The following YEATS2 variants were observed in gnomAD, a reference collection of about 807,000 sequenced individuals.
YEATS2 encodes the protein YEATS domain-containing protein 2.
Under a neutral mutation model 163.2 loss-of-function variants are expected in YEATS2, and 77 were observed. The observed-to-expected ratio is 0.47, with a 90% CI of 0.39 to 0.57. YEATS2 has a LOEUF of 0.57. YEATS2 is among the 20% of genes least tolerant of loss of function. YEATS2 has a pLI of 0.00. For synonymous variants in YEATS2, 631 were observed against 645.1 expected (o/e 0.98, Z 0.33); for missense variants, 1,549 against 1,729.8 (o/e 0.90, Z 1.85).
intron 21 of YEATS2, chr3:183,793,206 CA>C: frequency 7.9e-7 from 1 of 1,269,108 alleles, no homozygotes; most frequent in South Asian, 1.3e-5. Flanking sequence ...ATGCAGACAA[CA>C]CCCCTTACTG....
At chr3:183,780,409 C>T (rs761582099) in intron 19 of YEATS2, among the ~76,000 whole-genome samples, 1 of 152,218 alleles carries the variant, frequency 6.6e-6, no homozygotes, top group Non-Finnish European at 1.5e-5. Flanking sequence ...GCAGATTCTC[C>T]TGGCGTGTCC....
intron 1 of YEATS2, among the ~76,000 whole-genome samples, chr3:183,703,746 A>G (rs1294651319): frequency 6.6e-6 from 1 of 152,140 alleles, no homozygotes; most frequent in East Asian, 1.9e-4. Context: ...GTGTACATTG[A>G]ACAGTCTTTG....
chr3:183,726,719 G>A (rs1560239626), intron 6 of YEATS2, among the ~76,000 whole-genome samples: 1 of 152,012 alleles, frequency 6.6e-6, no homozygotes, highest in Admixed American at 6.6e-5. Context: ...ATCATATTAT[G>A]TGGCCATTTT....
At chr3:183,788,775 G>A (rs903108051) in intron 20 of YEATS2, among the ~76,000 whole-genome samples, 2 of 152,152 alleles carry the variant, frequency 1.3e-5, no homozygotes, top group Non-Finnish European at 2.9e-5. Context: ...AGTGTACGAG[G>A]GTTCCCTCTT....
intron 18 of YEATS2, among the ~76,000 whole-genome samples, chr3:183,776,821 G>T (rs1433200329): frequency 6.6e-6 from 1 of 151,940 alleles, no homozygotes; most frequent in East Asian, 1.9e-4. Flanking sequence ...GTGTGGTGGT[G>T]CATGCCTGTA....
chr3:183,771,268 C>G (rs960850587), intron 15 of YEATS2, among the ~76,000 whole-genome samples: 12 of 152,138 alleles, frequency 7.9e-5, no homozygotes, highest in Non-Finnish European at 1.5e-4. Context: ...GAAGGTAGAT[C>G]ATTTGCATTT....
intron 7 of YEATS2, among the ~76,000 whole-genome samples, chr3:183,736,202 A>G (rs933469797): frequency 7.9e-5 from 12 of 152,184 alleles, no homozygotes; most frequent in African/African-American, 2.4e-4. Flanking sequence ...AAAATCAGTC[A>G]TAGTCACTAT....
At chr3:183,743,386 C>T (rs1405195514) in intron 8 of YEATS2, among the ~76,000 whole-genome samples, 1 of 152,068 alleles carries the variant, frequency 6.6e-6, no homozygotes, top group African/African-American at 2.4e-5. Flanking sequence ...GTTGCCCAGG[C>T]TAGAGTGTGG....
intron 13 of YEATS2, 100 bp downstream of exon 13, chr3:183,759,065 C>G (rs1721073438): frequency 1.3e-6 from 1 of 787,436 alleles, no homozygotes; most frequent in Non-Finnish European, 1.9e-6. Context: ...CCGTATTAAC[C>G]AGGCTGTATC....
In YEATS2 at chr3:183,761,583, C is replaced by T; in HGVS notation, c.1733C>T (p.Pro578Leu). The T allele has an allele frequency of 6.2e-7, 1 of 1,614,142 alleles. No individual in the cohort carries two copies. The highest frequency in any genetic ancestry group is 8.5e-7 in the Non-Finnish European group (1 of 1,180,010). Residue 578 changes from proline (P) to leucine (L), a missense_variant, in exon 14 of 31, where the codon CCT becomes CTT. Pro to Leu is a moderately conservative substitution (Grantham distance 98, BLOSUM62 -3). Transcript: ENST00000305135. Reference protein sequence around the residue: ...GSHPKVQSPKPITGGLGAFTK... With the variant: ...GSHPKVQSPKLITGGLGAFTK... ...CACCCTAAGGTTCAAAGCCCCAAACCTATAACAGGAGGACTTGGAGCTTTC... is the reference window on the plus strand; with the variant it reads ...CACCCTAAGGTTCAAAGCCCCAAACTTATAACAGGAGGACTTGGAGCTTTC...
At chr3:183,718,315 T>A (rs1716120255) in intron 3 of YEATS2, among the ~76,000 whole-genome samples, 185 bp from the exon 4 acceptor site, 1 of 152,250 alleles carries the variant, frequency 6.6e-6, no homozygotes, top group Non-Finnish European at 1.5e-5. Flanking sequence ...AACACTTTTG[T>A]CTTTCTCTTA....
chr3:183,730,048 GTTTGTTTTTTTTTTT>G (rs1717573075), intron 7 of YEATS2, among the ~76,000 whole-genome samples: 8 of 20,806 alleles, frequency 3.8e-4, no homozygotes, highest in East Asian at 5.3e-3. Context: ...GTGGTTTTTT[GTTTGTTTTTTTTTTT>G]TTTTTTTTTT....
At position 183,704,344 on chromosome 3, in the gene YEATS2, GTA is replaced by G. The variant is rs1407020599; in HGVS notation, c.-20+6353_-20+6354del. Among the ~76,000 whole-genome samples the G allele has an allele frequency of 5.9e-5, 9 of 152,174 alleles. No individual in the cohort carries two copies. The Middle Eastern group carries it at 0.01, about 173-fold the overall frequency. On this transcript the variant is annotated intron_variant, in intron 1 of 30. Transcript: ENST00000305135. ...TTTAATACCCTGCTGGATTGGATTT[GTA>G]TGTGTATTTGCAGTGAAAGCTTGTT...
Position 183,798,997 on chromosome 3 carries a change from G to C in YEATS2, c.3325+8G>C. 6.2e-7 allele frequency: 1 copy of C among 1,605,964 alleles called. No individual in the cohort carries two copies. Among genetic ancestry groups the C allele is most frequent in the South Asian group, 1.1e-5 (1 of 90,898 alleles). On this transcript the variant is annotated splice_region_variant and intron_variant, in intron 23 of 30. Transcript: ENST00000305135. ...CAGCAGCTGTTGCAAAAGGTACGTA[G>C]GATCTCACAGAGTTCTCGTCCAGAA...
intron 23 of YEATS2, 132 bp downstream of exon 23, chr3:183,799,121 T>C (rs1328958161): frequency 4.0e-6 from 3 of 745,336 alleles, no homozygotes; most frequent in East Asian, 5.0e-5. Flanking sequence ...TTTTCAGCAT[T>C]TGTGAATCAG....
chr3:183,710,213 A>G (rs1366859047), intron 1 of YEATS2, among the ~76,000 whole-genome samples: 3 of 152,180 alleles, frequency 2.0e-5, no homozygotes, highest in Non-Finnish European at 4.4e-5. Flanking sequence ...TTTGTTTCCA[A>G]GTTGAATTGA....
At chr3:183,738,416 T>TTA (rs1336699774) in intron 8 of YEATS2, among the ~76,000 whole-genome samples, 2 of 142,068 alleles carry the variant, frequency 1.4e-5, no homozygotes, top group African/African-American at 5.4e-5. Flanking sequence ...TTTTTTTTTT[T>TTA]AATACTTTAA....
chr3:183,705,958 T>C (rs565799377), intron 1 of YEATS2, among the ~76,000 whole-genome samples: 20 of 151,664 alleles, frequency 1.3e-4, no homozygotes, highest in African/African-American at 4.6e-4. Flanking sequence ...GAGAATGGCC[T>C]GACCCGGGAG....
At chr3:183,752,601 C>T (rs1015940350) in intron 10 of YEATS2, among the ~76,000 whole-genome samples, 12 of 149,350 alleles carry the variant, frequency 8.0e-5, no homozygotes, top group African/African-American at 2.7e-4. Context: ...CCCAGCTACT[C>T]GGGAGGCTGA....
Sources: allele counts gnomAD v4.1 joint callset (sites outside exome capture counted in the v4.1 genomes callset), GRCh38; gene constraint gnomAD v4.1.1; transcripts MANE v1.5; gene names NCBI Gene and HGNC (gene_info 2026-07-23, HGNC 2026-07-21).